The following RYR3 variants were observed in gnomAD, a reference collection of about 807,000 sequenced individuals.
RYR3 encodes ryanodine receptor 3, also known as brain ryanodine receptor-calcium release channel.
In RYR3, 207 loss-of-function variants were observed where a neutral mutation model predicts 584.3. The observed-to-expected ratio is 0.35, with a 90% CI of 0.32 to 0.40. RYR3 has a LOEUF of 0.40. Ranked by LOEUF, RYR3 falls within the 10% of genes least tolerant of loss-of-function variation. RYR3 has a pLI of 1.00. For synonymous variants in RYR3, 2,416 were observed against 2,248.5 expected (o/e 1.07, Z -2.11); for missense variants, 5,616 against 6,089.2 (o/e 0.92, Z 2.59).
At position 33,865,442 on chromosome 15, in the gene RYR3, A is replaced by G. The variant is rs1249824672; in HGVS notation, c.*216A>G. ...GAGAGAACCTGTCAAAATGTCGAAGAAGGAAGGCGAAGAATCAAGTAATCT... is the reference window on the plus strand; with the variant it reads ...GAGAGAACCTGTCAAAATGTCGAAGGAGGAAGGCGAAGAATCAAGTAATCT... On this transcript the variant is annotated 3_prime_UTR_variant, in exon 104 of 104. Transcript: ENST00000634891. 1.0e-5 allele frequency: 5 copies of G among 493,028 alleles called. No homozygotes were observed. Among genetic ancestry groups the G allele is most frequent in the African/African-American group, 3.9e-5 (2 of 51,884 alleles). 30.5% of individuals were successfully genotyped at this position (493,028 alleles called of 1,614,324 possible). A position where few individuals can be genotyped will look rare whatever the true frequency, so the allele number is the denominator to read the frequency against.
chr15:33,546,270 C>T (rs1292578790), intron 8 of RYR3, among the ~76,000 whole-genome samples: 1 of 152,168 alleles, frequency 6.6e-6, no homozygotes, highest in Non-Finnish European at 1.5e-5. Context: ...CCACTTCACC[C>T]TCTTCTCCTG....
At chr15:33,603,511 A>G (rs1437317017) in intron 18 of RYR3, 147 bp downstream of exon 18, 17 of 898,090 alleles carry the variant, frequency 1.9e-5, no homozygotes, top group Non-Finnish European at 2.5e-5. Flanking sequence ...AAAGAGTATC[A>G]GATTAAAATA....
intron 1 of RYR3, among the ~76,000 whole-genome samples, chr15:33,433,521 G>A (rs2141766439): frequency 6.6e-6 from 1 of 151,904 alleles, no homozygotes; most frequent in African/African-American, 2.4e-5. Flanking sequence ...GACAATTAGG[G>A]AAGATAGATT....
intron 55 of RYR3, 105 bp downstream of exon 55, chr15:33,748,635 C>T (rs2070983067): frequency 4.2e-6 from 4 of 956,274 alleles, no homozygotes; most frequent in Admixed American, 2.0e-5. Flanking sequence ...AACATATCAC[C>T]ACTAAAATTC....
chr15:33,643,500 G>C (rs1566855553), intron 27 of RYR3, among the ~76,000 whole-genome samples: 1 of 152,184 alleles, frequency 6.6e-6, no homozygotes, highest in Non-Finnish European at 1.5e-5. Context: ...CTGTAGGAAG[G>C]AAGAGAGGAG....
intron 30 of RYR3, among the ~76,000 whole-genome samples, chr15:33,648,310 G>C (rs550651737): frequency 9.8e-4 from 149 of 152,246 alleles, no homozygotes; most frequent in African/African-American, 3.5e-3. Context: ...TTGTCTAGCC[G>C]ACCCTTTTTT....
intron 69 of RYR3, among the ~76,000 whole-genome samples, chr15:33,805,905 T>TC (rs374511130): frequency 6.6e-6 from 1 of 151,336 alleles, no homozygotes; most frequent in Admixed American, 6.6e-5. Context: ...TCTTCTCCTC[T>TC]CCCCCTCCCC....
chr15:33,356,800 A>C (rs1004476899), intron 1 of RYR3, among the ~76,000 whole-genome samples: 11 of 152,208 alleles, frequency 7.2e-5, no homozygotes, highest in African/African-American at 2.7e-4. Context: ...CTGAGAACTA[A>C]TGTAGCATTT....
intron 38 of RYR3, among the ~76,000 whole-genome samples, chr15:33,692,807 A>G (rs996714550): frequency 1.3e-5 from 2 of 152,042 alleles, no homozygotes; most frequent in Admixed American, 1.3e-4. Context: ...TTTGCTTTAC[A>G]TGCTCTCTAG....
intron 1 of RYR3, among the ~76,000 whole-genome samples, chr15:33,319,753 T>A (rs1968693799): frequency 6.6e-6 from 1 of 152,168 alleles, no homozygotes; most frequent in Non-Finnish European, 1.5e-5. Flanking sequence ...AAACTCCACA[T>A]TTCCTCCAGG....
intron 2 of RYR3, among the ~76,000 whole-genome samples, chr15:33,488,061 C>T (rs1174968455): frequency 6.6e-6 from 1 of 152,164 alleles, no homozygotes; most frequent in Non-Finnish European, 1.5e-5. Flanking sequence ...AAACATCCAC[C>T]TTTTAACTCT....
rs1030637246 is a variant in RYR3, at chr15:33,537,441, T to C, written c.434-1909T>C. Among the ~76,000 whole-genome samples, 11 of 152,214 alleles carry C rather than the reference T, an allele frequency of 7.2e-5. No individual in the cohort carries two copies. In the South Asian group the frequency reaches 2.1e-3, roughly 29 times the overall value. ...GTGGAACACATTATCTAGTAACTTT[T>C]ACAGAAAAGATGCATGTGGATTAAA... On this transcript the variant is annotated intron_variant, in intron 5 of 103. Transcript: ENST00000634891.
At chr15:33,757,972 G>A (rs1336217073) in intron 60 of RYR3, among the ~76,000 whole-genome samples, 10 of 152,150 alleles carry the variant, frequency 6.6e-5, no homozygotes. Context: ...TGGTTAGACA[G>A]TGGGTGCAGC....
chr15:33,607,640 C>G (rs2059972115), intron 18 of RYR3, among the ~76,000 whole-genome samples: 1 of 152,174 alleles, frequency 6.6e-6, no homozygotes, highest in Admixed American at 6.5e-5. Context: ...TTTTTCAGTA[C>G]TGTCTTTGAA....
intron 1 of RYR3, among the ~76,000 whole-genome samples, chr15:33,373,777 T>C (rs560779412): frequency 6.6e-6 from 1 of 152,104 alleles, no homozygotes; most frequent in South Asian, 2.1e-4. Flanking sequence ...TTCAAATAGC[T>C]CCAAAGTGAT....
chr15:33,650,034 C>G (rs923183682), intron 31 of RYR3, among the ~76,000 whole-genome samples: 4 of 152,170 alleles, frequency 2.6e-5, no homozygotes, highest in Non-Finnish European at 5.9e-5. Context: ...AGACTAGTAG[C>G]CAGAGGTGAG....
At chr15:33,570,290 G>T (rs2152496424) in intron 12 of RYR3, among the ~76,000 whole-genome samples, 1 of 152,180 alleles carries the variant, frequency 6.6e-6, no homozygotes, top group East Asian at 1.9e-4. Flanking sequence ...ATTTTTGCGT[G>T]TGGCCATATG....
Position 33,663,502 on chromosome 15 carries a change from C to T in RYR3, c.5419-35C>T, listed in dbSNP as rs377246752. On this transcript the variant is annotated intron_variant, in intron 35 of 103. Transcript: ENST00000634891. ...GCATGCTAGCAGCCTCACCAAAGTA[C>T]ACAAAGTGTTATCTATATAATACTT... 118 of 1,584,734 alleles carry T rather than the reference C, an allele frequency of 7.4e-5. 2 individuals are homozygous for T. Among genetic ancestry groups the T allele is most frequent in the Non-Finnish European group, 7.2e-5 (84 of 1,158,860 alleles).
intron 19 of RYR3, among the ~76,000 whole-genome samples, chr15:33,615,115 A>G (rs1444087065): frequency 6.6e-6 from 1 of 152,168 alleles, no homozygotes; most frequent in Non-Finnish European, 1.5e-5. Flanking sequence ...TCATCCCTGT[A>G]TTTTAAAGAG....
Sources: allele counts gnomAD v4.1 joint callset (sites outside exome capture counted in the v4.1 genomes callset), GRCh38; gene constraint gnomAD v4.1.1; transcripts MANE v1.5; gene names NCBI Gene and HGNC (gene_info 2026-07-23, HGNC 2026-07-21).